Variants in NOP58 observed in about 807,000 individuals in gnomAD.
NOP58 encodes the protein nucleolar protein 58.
Under a neutral mutation model 71.2 loss-of-function variants are expected in NOP58, and 44 were observed. The ratio of observed to expected loss-of-function variants is 0.62; its 90% CI spans 0.49 to 0.79. The LOEUF is 0.79. Ranked by LOEUF, NOP58 falls within the 30% of genes least tolerant of loss-of-function variation. The pLI is 0.00. For missense variants in NOP58, 538 were observed against 620.2 expected (o/e 0.87, Z 1.41); for synonymous variants, 228 against 200.3 (o/e 1.14, Z -1.17).
intron 2 of NOP58, chr2:202,276,511 A>G (rs754283968): frequency 1.9e-6 from 1 of 513,446 alleles, no homozygotes; most frequent in African/African-American, 1.9e-5. Context: ...CACTGAGACA[A>G]CGATGAATCA....
chr2:202,275,826 G>C (rs749572223), intron 2 of NOP58: 2 of 152,206 alleles, frequency 1.3e-5, no homozygotes, highest in African/African-American at 2.4e-5. Context: ...CCACCACCAT[G>C]CCCAGCTAAT....
intron 11 of NOP58, 135 bp downstream of exon 11, chr2:202,297,648 C>A: frequency 1.0e-6 from 1 of 956,110 alleles, no homozygotes; most frequent in Non-Finnish European, 1.5e-6. Context: ...TTTGTGCCTA[C>A]TGTTAACAAT....
intron 13 of NOP58, among the ~76,000 whole-genome samples, chr2:202,300,923 A>G (rs1316964109): frequency 6.6e-6 from 1 of 152,200 alleles, no homozygotes; most frequent in African/African-American, 2.4e-5. Context: ...AGAAGAGTAA[A>G]GCATTAACAC....
Position 202,267,709 on chromosome 2 carries a change from G to A in NOP58, c.45+1723G>A, listed in dbSNP as rs1353277291. Among the ~76,000 whole-genome samples the A allele has an allele frequency of 3.3e-5, 5 of 152,158 alleles. No homozygotes were observed. In the East Asian group the frequency reaches 9.6e-4, roughly 29 times the overall value. On this transcript the variant is annotated intron_variant, in intron 1 of 14. Transcript: ENST00000264279. Reference sequence around the variant, plus strand: ...ACCGGATGTGAAGAGGAGCAACTCTGCACAGTGCACTGGTTGTCTCCCATG... The same window carrying A: ...ACCGGATGTGAAGAGGAGCAACTCTACACAGTGCACTGGTTGTCTCCCATG...
At chr2:202,302,093 T>C (rs962520967) in intron 13 of NOP58, among the ~76,000 whole-genome samples, 14 of 137,700 alleles carry the variant, frequency 1.0e-4, no homozygotes, top group African/African-American at 3.8e-4. Context: ...CTTTTTTTTT[T>C]TTTTTTTTTT....
chr2:202,288,744 G>A (rs1297091267), intron 6 of NOP58, among the ~76,000 whole-genome samples: 1 of 151,998 alleles, frequency 6.6e-6, no homozygotes, highest in African/African-American at 2.4e-5. Flanking sequence ...GAACCTGAGA[G>A]GCGGAGGTTG....
intron 8 of NOP58, among the ~76,000 whole-genome samples, chr2:202,292,079 C>T (rs1312697732): frequency 6.9e-6 from 1 of 144,892 alleles, no homozygotes; most frequent in African/African-American, 2.5e-5. Context: ...CCTCTGCCTC[C>T]CAGGTCCCAG....
intron 6 of NOP58, among the ~76,000 whole-genome samples, 174 bp downstream of exon 6, chr2:202,287,898 G>A (rs1455790875): frequency 1.3e-5 from 2 of 151,892 alleles, no homozygotes; most frequent in Non-Finnish European, 2.9e-5. Context: ...ATCACCTGAG[G>A]TCAGGAGTTC....
At chr2:202,297,286 T>C in intron 10 of NOP58, 93 bp from the exon 11 acceptor site, 1 of 1,174,982 alleles carries the variant, frequency 8.5e-7, no homozygotes, top group South Asian at 1.5e-5. Context: ...GTATGATTCA[T>C]AATAGTTTTA....
In NOP58 at chr2:202,303,010, G is replaced by T. The variant is rs2083571314; in HGVS notation, c.1492G>T (p.Glu498Ter). ...AAGGGGTAAAAAGAAACACATTAAGGAAGAACCACTTTCTGAGGAAGAACC... is the reference window on the plus strand; with the variant it reads ...AAGGGGTAAAAAGAAACACATTAAGTAAGAACCACTTTCTGAGGAAGAACC... ...KKRGKKKHIK[E>*]EPLSEEEPCT... The change falls in exon 14 of 15, where the codon GAA (glutamate) becomes TAA (stop). Residue 498 changes from glutamate to a stop codon, truncating the protein, a stop_gained. Coordinates refer to ENST00000264279, the MANE Select transcript of NOP58 (RefSeq NM_015934.5). LOFTEE classifies it high-confidence loss of function. 6.2e-7 allele frequency: 1 copy of T among 1,612,816 alleles called. No individual in the cohort carries two copies. Among genetic ancestry groups the T allele is most frequent in the Non-Finnish European group, 8.5e-7 (1 of 1,179,890 alleles).
intron 1 of NOP58, among the ~76,000 whole-genome samples, chr2:202,266,452 A>T (rs575750935): frequency 4.0e-5 from 6 of 151,800 alleles, no homozygotes; most frequent in African/African-American, 1.4e-4. Context: ...GCCTCCATCC[A>T]CCACCACGCC....
chr2:202,292,636 ATG>A, intron 8 of NOP58, 139 bp from the exon 9 acceptor site: 1 of 615,568 alleles, frequency 1.6e-6, no homozygotes, highest in South Asian at 2.1e-5. Flanking sequence ...AAGAAAACTG[ATG>A]TTAGGCATAG....
At chr2:202,282,242 T>G (rs1006169927) in intron 3 of NOP58, 109 bp from the exon 4 acceptor site, 1 of 773,804 alleles carries the variant, frequency 1.3e-6, no homozygotes, top group African/African-American at 1.7e-5. Context: ...TAACATTAAA[T>G]TCAAGCCCTT....
rs1689118505 is a variant in NOP58 at position 202,302,979 on chromosome 2, G to A, written c.1461G>A (p.Lys487=). ...AAGAAGAAACATCTGTGAAGAAGAA[G>A]AAGAAAAGGGGTAAAAAGAAACACA... ...AEEEETSVKK[K]KKRGKKKHIK... The change falls in exon 14 of 15, where the codon AAG becomes AAA. Residue 487 remains lysine (K), a synonymous_variant. Coordinates refer to ENST00000264279, the MANE Select transcript of NOP58 (RefSeq NM_015934.5). 27 of 1,611,832 alleles carry A rather than the reference G, an allele frequency of 1.7e-5. No homozygotes were observed. The highest frequency in any genetic ancestry group is 2.1e-5 in the Non-Finnish European group (25 of 1,179,608).
At chr2:202,302,742 A>G (rs932414645) in intron 13 of NOP58, among the ~76,000 whole-genome samples, 179 bp from the exon 14 acceptor site, 5 of 152,216 alleles carry the variant, frequency 3.3e-5, no homozygotes, top group African/African-American at 1.2e-4. Context: ...AGCTCTATCT[A>G]TATCATTCGT....
chr2:202,290,147 G>A (rs896960653), intron 6 of NOP58, among the ~76,000 whole-genome samples, 176 bp from the exon 7 acceptor site: 1 of 151,904 alleles, frequency 6.6e-6, no homozygotes, highest in African/African-American at 2.4e-5. Context: ...ATAGAGATGG[G>A]GTTTCACCAT....
intron 9 of NOP58, among the ~76,000 whole-genome samples, chr2:202,295,050 C>CT (rs1688969013): frequency 1.3e-5 from 2 of 151,690 alleles, no homozygotes; most frequent in South Asian, 4.2e-4. Context: ...ACGGAGAGGG[C>CT]TACGAAAGTG....
At chr2:202,272,047 G>T (rs1688519242) in intron 1 of NOP58, among the ~76,000 whole-genome samples, 1 of 151,914 alleles carries the variant, frequency 6.6e-6, no homozygotes, top group South Asian at 2.1e-4. Flanking sequence ...CGCAGTTCTA[G>T]TCTGGTTATA....
At chr2:202,301,246 A>G (rs1421015102) in intron 13 of NOP58, among the ~76,000 whole-genome samples, 1 of 151,848 alleles carries the variant, frequency 6.6e-6, no homozygotes, top group Non-Finnish European at 1.5e-5. Flanking sequence ...GTGCAGTGGC[A>G]TGATCTTGGC....
Sources: allele counts gnomAD v4.1 joint callset (sites outside exome capture counted in the v4.1 genomes callset), GRCh38; gene constraint gnomAD v4.1.1; transcripts MANE v1.5; gene names NCBI Gene and HGNC (gene_info 2026-07-23, HGNC 2026-07-21).